Variants in UBAC2 observed in about 807,000 individuals in gnomAD.
UBAC2 encodes the protein UBA domain containing 2, also known as ubiquitin-associated domain-containing protein 2.
In UBAC2, 26 loss-of-function variants were observed where a neutral mutation model predicts 44.0. The ratio of observed to expected loss-of-function variants is 0.59; its 90% CI spans 0.43 to 0.82. The LOEUF (loss-of-function observed/expected upper bound fraction) is 0.82. UBAC2 is among the 40% of genes least tolerant of loss of function. The pLI, the probability that UBAC2 is intolerant of heterozygous loss-of-function variation, is 0.00. For missense variants in UBAC2, 329 were observed against 419.4 expected, an observed-to-expected ratio of 0.78 and a Z score of 1.88; for synonymous variants, 155 against 154.3, an observed-to-expected ratio of 1.00 and a Z score of -0.04.
chr13:99,296,321 TTTATAA>T (rs2044172798), intron 4 of UBAC2, among the ~76,000 whole-genome samples: 2 of 152,212 alleles, frequency 1.3e-5, no homozygotes, highest in East Asian at 1.9e-4. Flanking sequence ...TTTTTAACAG[TTTATAA>T]TTATAATATG....
intron 4 of UBAC2, among the ~76,000 whole-genome samples, chr13:99,267,698 T>C (rs2043762069): frequency 6.6e-6 from 1 of 152,236 alleles, no homozygotes; most frequent in Admixed American, 6.5e-5. Flanking sequence ...AAGAGTAACA[T>C]TTATCTTTTT....
At chr13:99,368,725 G>GTGTGTGTA (rs71292858) in intron 8 of UBAC2, among the ~76,000 whole-genome samples, 2 of 146,044 alleles carry the variant, frequency 1.4e-5, no homozygotes, top group Non-Finnish European at 1.5e-5. Context: ...GTGTGTGTGT[G>GTGTGTGTA]TACACATACC....
At chr13:99,334,945 A>G (rs1402895869) in intron 6 of UBAC2, among the ~76,000 whole-genome samples, 2 of 152,234 alleles carry the variant, frequency 1.3e-5, no homozygotes, top group African/African-American at 4.8e-5. Context: ...TATATTATGG[A>G]GACAGTAACC....
intron 7 of UBAC2, among the ~76,000 whole-genome samples, chr13:99,363,559 C>CT (rs2045293346): frequency 6.6e-6 from 1 of 152,254 alleles, no homozygotes; most frequent in Non-Finnish European, 1.5e-5. Flanking sequence ...CTCTTTGCTG[C>CT]TGCTGTATCC....
intron 1 of UBAC2, among the ~76,000 whole-genome samples, chr13:99,203,779 C>T (rs765810582): frequency 2.6e-5 from 4 of 151,926 alleles, no homozygotes; most frequent in African/African-American, 4.8e-5. Context: ...GGAGGGTAGC[C>T]GGGAAGGTGA....
intron 1 of UBAC2, among the ~76,000 whole-genome samples, chr13:99,214,790 T>A (rs1740938101): frequency 6.6e-6 from 1 of 151,470 alleles, no homozygotes; most frequent in Non-Finnish European, 1.5e-5. Flanking sequence ...ATAAATAAAT[T>A]TCTTTCCAAC....
At chr13:99,356,280 C>T (rs1163365075) in intron 7 of UBAC2, 2 of 495,362 alleles carry the variant, frequency 4.0e-6, no homozygotes, top group East Asian at 5.7e-5. Context: ...TGGCCCTGAC[C>T]CTTTTAGCCC....
Position 99,375,605 on chromosome 13 carries a change from G to A in UBAC2, c.927+7699G>A, listed in dbSNP as rs575042752. Among the ~76,000 whole-genome samples, 6 of 152,232 alleles carry A rather than the reference G, an allele frequency of 3.9e-5. No homozygotes were observed. In the East Asian group the frequency reaches 7.7e-4, roughly 20 times the overall value. ...CCCAAAAAAAACATTTGTTTTTGAC[G>A]CACTTAGCTAAAAGGGAAGTTAAAG... On this transcript the variant is annotated intron_variant, in intron 8 of 8. Transcript: ENST00000403766.
chr13:99,267,137 C>T (rs568420853), intron 4 of UBAC2, among the ~76,000 whole-genome samples: 2 of 151,806 alleles, frequency 1.3e-5, no homozygotes, highest in East Asian at 3.9e-4. Context: ...CTTCAAGAAT[C>T]TTTTCATGGG....
At chr13:99,206,449 C>T (rs932005569) in intron 1 of UBAC2, among the ~76,000 whole-genome samples, 8 of 152,238 alleles carry the variant, frequency 5.3e-5, no homozygotes, top group South Asian at 2.1e-4. Context: ...CGGAATCACG[C>T]GTCCCGCAGC....
At chr13:99,331,152 C>G (rs900311214) in intron 6 of UBAC2, among the ~76,000 whole-genome samples, 2 of 152,216 alleles carry the variant, frequency 1.3e-5, no homozygotes, top group African/African-American at 4.8e-5. Flanking sequence ...TAAGTCCTGG[C>G]GTCCTGGCCA....
At chr13:99,368,036 C>A in intron 8 of UBAC2, 130 bp downstream of exon 8, 31 of 1,076,392 alleles carry the variant, frequency 2.9e-5, no homozygotes, top group Middle Eastern at 3.2e-4. Context: ...CATCTGCCAC[C>A]ATGATAGAGA....
chr13:99,273,962 AAAAT>A (rs1333256698), intron 4 of UBAC2, among the ~76,000 whole-genome samples: 2 of 151,016 alleles, frequency 1.3e-5, no homozygotes, highest in Non-Finnish European at 2.9e-5. Context: ...TTAATATTTT[AAAAT>A]AAATTTTTAT....
chr13:99,347,869 T>G (rs2045015624), intron 7 of UBAC2, among the ~76,000 whole-genome samples: 2 of 151,532 alleles, frequency 1.3e-5, no homozygotes, highest in Admixed American at 1.3e-4. Flanking sequence ...GAAGATGGAG[T>G]GGGCTGCAGA....
In UBAC2 at chr13:99,245,458, C is replaced by T. The variant is rs78434948; in HGVS notation, c.389+834C>T. Among the ~76,000 whole-genome samples, 486 of 152,196 alleles carry T rather than the reference C, an allele frequency of 3.2e-3. 3 individuals are homozygous for T. The highest frequency in any genetic ancestry group is 0.011 in the African/African-American group (473 of 41,526). The stretch of plus-strand genomic sequence containing the variant: ...TCAGAATTTGTATGCTTTCATATTG[C>T]GTTGATCTTCTTTAAAAAAAACAAA... On this transcript the variant is annotated intron_variant, in intron 4 of 8. Coordinates refer to ENST00000403766, the MANE Select transcript of UBAC2 (RefSeq NM_001144072.2).
At chr13:99,371,152 G>A (rs1163657771) in intron 8 of UBAC2, among the ~76,000 whole-genome samples, 1 of 151,564 alleles carries the variant, frequency 6.6e-6, no homozygotes, top group Non-Finnish European at 1.5e-5. Context: ...AGTCTTCAGG[G>A]TTGTTTTTTT....
At chr13:99,381,536 G>A (rs576275701) in intron 8 of UBAC2, among the ~76,000 whole-genome samples, 1 of 152,300 alleles carries the variant, frequency 6.6e-6, no homozygotes, top group African/African-American at 2.4e-5. Flanking sequence ...TTGTTTGGGG[G>A]CCATGGCATC....
chr13:99,250,868 T>C (rs1285248270), intron 4 of UBAC2, among the ~76,000 whole-genome samples: 2 of 152,120 alleles, frequency 1.3e-5, no homozygotes, highest in Non-Finnish European at 2.9e-5. Context: ...TGCCTCAGCC[T>C]CCCGAGTAGC....
intron 1 of UBAC2, among the ~76,000 whole-genome samples, chr13:99,220,279 T>C (rs548596323): frequency 3.9e-5 from 6 of 152,288 alleles, no homozygotes; most frequent in Admixed American, 2.0e-4. Flanking sequence ...CTTCAGTGAG[T>C]TATTTAGCCT....
Sources: gnomAD v4.1 joint callset for allele counts (sites outside exome capture counted in the v4.1 genomes callset) on GRCh38, gnomAD v4.1.1 for gene constraint, MANE v1.5 for transcripts, NCBI Gene and HGNC (gene_info 2026-07-23, HGNC 2026-07-21) for gene names.